The following UNC119 variants were observed in gnomAD, a reference collection of about 807,000 sequenced individuals.
UNC119 encodes unc-119 lipid binding chaperone, also known as protein unc-119 homolog A.
A neutral mutation model predicts 22.6 loss-of-function variants in UNC119; 15 were observed. The observed-to-expected ratio is 0.66, with a 90% CI of 0.44 to 1.02. The LOEUF is 1.02. Ranked by LOEUF, UNC119 falls within the 50% of genes least tolerant of loss-of-function variation. The pLI is 0.00. For synonymous variants in UNC119, 138 were observed against 139.4 expected (o/e 0.99, Z 0.07); for missense variants, 322 against 336.0 (o/e 0.96, Z 0.33).
At chr17:28,547,874 T>G (rs762825360) in intron 3 of UNC119, 25 bp from the exon 4 acceptor site, 1 of 1,613,788 alleles carries the variant, frequency 6.2e-7, no homozygotes, top group Admixed American at 1.7e-5. Context: ...GAGGCAGGGC[T>G]AAGTCTGTCC....
In UNC119 at chr17:28,547,221, T is replaced by G. The variant is rs1284308556; in HGVS notation, c.*76A>C. The G allele has an allele frequency of 1.3e-6, 2 of 1,559,708 alleles. No homozygotes were observed. Among genetic ancestry groups the G allele is most frequent in the Non-Finnish European group, 1.8e-6 (2 of 1,139,874 alleles). On this transcript the variant is annotated 3_prime_UTR_variant, in exon 5 of 5. Coordinates refer to ENST00000335765, the MANE Select transcript of UNC119 (RefSeq NM_005148.4). ...AACTCCCCAAGCAGAGGACTTGGGG[T>G]TGAGGGGTGAGCGTTGGGGAGGTCA...
rs771465346 is a variant in UNC119 at position 28,552,569 on chromosome 17, G to T, written c.-12C>A. The T allele has an allele frequency of 2.0e-5, 30 of 1,497,534 alleles. No individual in the cohort carries two copies. The highest frequency in any genetic ancestry group is 2.5e-5 in the Non-Finnish European group (28 of 1,131,998). The allele number at this position is 1,497,534 out of a possible 1,614,324, so 92.8% of individuals were successfully genotyped here. ...TTCTTCACCTTCATGGCCTTGCGGGGCCGAGGCTCGCCTGCTGCTGCCGCC... is the reference window on the plus strand; with the variant it reads ...TTCTTCACCTTCATGGCCTTGCGGGTCCGAGGCTCGCCTGCTGCTGCCGCC... On this transcript the variant is annotated 5_prime_UTR_variant, in exon 1 of 5. Coordinates refer to ENST00000335765, the MANE Select transcript of UNC119 (RefSeq NM_005148.4).
At chr17:28,549,942 C>T (rs1310996622) in intron 1 of UNC119, 1 of 152,198 alleles carries the variant, frequency 6.6e-6, no homozygotes, top group Non-Finnish European at 1.5e-5. Flanking sequence ...CCTCCAGGCC[C>T]CTGGGCCACC....
intron 1 of UNC119, chr17:28,552,043 T>C: frequency 1.6e-6 from 1 of 611,498 alleles, no homozygotes; most frequent in African/African-American, 1.8e-5. Flanking sequence ...AGGGCTATGG[T>C]TGCAGCTGCT....
rs535705472 is a variant in UNC119, at chr17:28,547,166, A to G, written c.*131T>C. 7.9e-5 allele frequency: 88 copies of G among 1,117,980 alleles called. 1 individual carries two copies. In the South Asian group the frequency reaches 1.1e-3, roughly 14 times the overall value. 69.3% of individuals were successfully genotyped at this position (1,117,980 alleles called of 1,614,324 possible). A position where few individuals can be genotyped will look rare whatever the true frequency, so the allele number is the denominator to read the frequency against. ...GGGACACCAGGTACCCTTCCTCCCA[A>G]CATTGACTCAGGGTCCGGAGCTCCT... On this transcript the variant is annotated 3_prime_UTR_variant, in exon 5 of 5. Transcript: ENST00000335765.
chr17:28,549,003 T>C lies in UNC119; in HGVS notation c.221-298A>G, dbSNP rs1249155347. The stretch of plus-strand genomic sequence containing the variant: ...ACCTCCTGAACACTCTCTCTCCCAC[T>C]CTGGAGTTGAGGGTCCTCATTCTGG... On this transcript the variant is annotated intron_variant, in intron 1 of 4. Transcript: ENST00000335765. 4.3e-5 allele frequency: 13 copies of C among 298,970 alleles called. No individual in the cohort carries two copies. The East Asian group carries it at 9.2e-4, about 21-fold the overall frequency. The allele number at this position is 298,970 out of a possible 1,614,324, so 18.5% of individuals were successfully genotyped here.
At position 28,546,972 on chromosome 17, in the gene UNC119, G is replaced by A. The variant is rs1427434032; in HGVS notation, c.*325C>T. 1 of 367,700 alleles carries A rather than the reference G, an allele frequency of 2.7e-6. No individual in the cohort carries two copies. Among genetic ancestry groups the A allele is most frequent in the East Asian group, 6.8e-5 (1 of 14,620 alleles). The allele number at this position is 367,700 out of a possible 1,614,324, so 22.8% of individuals were successfully genotyped here. ...TGGATCCCTGCCTGATCTAGTCACA[G>A]CCTTGATAGGGGAACACTATTCTGA... is the stretch of plus-strand genomic sequence containing the variant. On this transcript the variant is annotated 3_prime_UTR_variant, in exon 5 of 5. Coordinates refer to ENST00000335765, the MANE Select transcript of UNC119 (RefSeq NM_005148.4).
At chr17:28,548,123 G>A in intron 2 of UNC119, 22 bp from the exon 3 acceptor site, 1 of 1,598,086 alleles carries the variant, frequency 6.3e-7, no homozygotes, top group African/African-American at 1.3e-5. Context: ...CCCAGCTGGG[G>A]CTCAGTGGGC....
chr17:28,551,927 C>T, intron 1 of UNC119: 7 of 336,824 alleles, frequency 2.1e-5, no homozygotes, highest in South Asian at 1.7e-4. Context: ...AGTAACTCAG[C>T]CTCCACCTAG....
chr17:28,552,199 C>A, intron 1 of UNC119, 139 bp downstream of exon 1: 1 of 746,414 alleles, frequency 1.3e-6, no homozygotes, highest in Non-Finnish European at 2.2e-6. Flanking sequence ...GAAGGGAGAG[C>A]AGGGGACACA....
rs376736420 is a variant in UNC119 at position 28,547,618 on chromosome 17, C to T, written c.610+59G>A. ...CAGACCCACAAGTCCCTCTCCCTCC[C>T]GCAGCTCAGTCTCTAGACGCCCCCA... On this transcript the variant is annotated intron_variant, in intron 4 of 4. Coordinates refer to ENST00000335765, the MANE Select transcript of UNC119 (RefSeq NM_005148.4). The T allele has an allele frequency of 3.5e-5, 56 of 1,613,726 alleles. No homozygotes were observed. In the Middle Eastern group the frequency reaches 1.0e-3, roughly 29 times the overall value.
chr17:28,551,066 C>T (rs1041387426), intron 1 of UNC119: 8 of 152,270 alleles, frequency 5.3e-5, no homozygotes, highest in African/African-American at 1.7e-4. Flanking sequence ...CTGCCTAGCT[C>T]AGTAAGGAGA....
At chr17:28,548,856 C>T (rs968825874) in intron 1 of UNC119, 151 bp from the exon 2 acceptor site, 5 of 630,144 alleles carry the variant, frequency 7.9e-6, no homozygotes, top group African/African-American at 3.7e-5. Flanking sequence ...CCTTGGGGTA[C>T]ACCCCCAGTG....
At chr17:28,547,649 C>A (rs761283329) in intron 4 of UNC119, 28 bp downstream of exon 4, 1 of 1,614,162 alleles carries the variant, frequency 6.2e-7, no homozygotes, top group Non-Finnish European at 8.5e-7. Flanking sequence ...CCCCACTTCC[C>A]CACTCCCAGA....
rs2070266243 is a variant in UNC119, at chr17:28,551,251, GGGC to G, written c.220+1084_220+1086del. On this transcript the variant is annotated intron_variant, in intron 1 of 4. Coordinates refer to ENST00000335765, the MANE Select transcript of UNC119 (RefSeq NM_005148.4). ...CCCCCAACAGTTATTCTCACAAAGG[GGGC>G]CAGGGCAGGTTGCTGGTGAATGTGG... 3 of 152,170 alleles carry G rather than the reference GGGC, an allele frequency of 2.0e-5. No homozygotes were observed. In the East Asian group the frequency reaches 5.8e-4, roughly 29 times the overall value. 9.4% of individuals were successfully genotyped at this position (152,170 alleles called of 1,614,324 possible).
At chr17:28,551,858 GA>G (rs953548805) in intron 1 of UNC119, 1 of 239,792 alleles carries the variant, frequency 4.2e-6, no homozygotes, top group African/African-American at 2.4e-5. Context: ...AGTCTTCCTG[GA>G]GGATCAGGGT....
intron 1 of UNC119, chr17:28,551,998 C>G (rs1242525932): frequency 3.9e-6 from 2 of 508,548 alleles, no homozygotes; most frequent in Non-Finnish European, 7.8e-6. Flanking sequence ...AGTGCAGGGA[C>G]GGGCCTCAAA....
At chr17:28,549,130 C>G (rs2070244588) in intron 1 of UNC119, 1 of 181,694 alleles carries the variant, frequency 5.5e-6, no homozygotes, top group African/African-American at 2.4e-5. Context: ...TGCAGTCTGA[C>G]CTGTCTCTTC....
intron 2 of UNC119, 118 bp from the exon 3 acceptor site, chr17:28,548,219 G>A (rs1171291883): frequency 6.8e-6 from 7 of 1,032,170 alleles, no homozygotes; most frequent in South Asian, 1.5e-5. Context: ...GAAATTCCGG[G>A]GCACACTGAG....
Sources: allele counts gnomAD v4.1 joint callset, GRCh38; gene constraint gnomAD v4.1.1; transcripts MANE v1.5; gene names NCBI Gene and HGNC (gene_info 2026-07-23, HGNC 2026-07-21).